Variants in SPPL3 observed in about 807,000 individuals in gnomAD.
SPPL3 encodes signal peptide peptidase-like 3.
SPPL3 carries 5 observed loss-of-function variants against 42.4 expected under a neutral mutation model. The ratio of observed to expected loss-of-function variants is 0.12; its 90% confidence interval spans 0.06 to 0.25. The LOEUF is 0.25. Ranked by LOEUF, SPPL3 falls within the 10% of genes least tolerant of loss-of-function variation. The pLI is 1.00. For synonymous variants in SPPL3, 195 were observed against 181.8 expected (o/e 1.07, Z -0.58); for missense variants, 235 against 489.0 (o/e 0.48, Z 4.90).
intron 2 of SPPL3, among the ~76,000 whole-genome samples, chr12:120,801,548 G>C (rs1870296842): frequency 6.6e-6 from 1 of 150,462 alleles, no homozygotes; most frequent in African/African-American, 2.4e-5. Flanking sequence ...GGGCACAGAG[G>C]AAGTTTTCCC....
chr12:120,777,831 A>C (rs898798516), intron 6 of SPPL3, among the ~76,000 whole-genome samples: 30 of 152,186 alleles, frequency 2.0e-4, no homozygotes, highest in African/African-American at 7.2e-4. Flanking sequence ...AGGGAATACA[A>C]GATGCTAAAC....
chr12:120,880,862 TCAA>T (rs1390567940), intron 1 of SPPL3, among the ~76,000 whole-genome samples: 23 of 147,486 alleles, frequency 1.6e-4, no homozygotes, highest in African/African-American at 5.3e-4. Context: ...TAACTACAGC[TCAA>T]CAACAATCAA....
At chr12:120,900,835 T>C (rs533729308) in intron 1 of SPPL3, among the ~76,000 whole-genome samples, 76 of 151,482 alleles carry the variant, frequency 5.0e-4, no homozygotes, top group South Asian at 2.3e-3. Context: ...GGCAGGAGAA[T>C]TGTCTGAACC....
At chr12:120,837,627 T>C (rs1188176266) in intron 1 of SPPL3, among the ~76,000 whole-genome samples, 1 of 152,166 alleles carries the variant, frequency 6.6e-6, no homozygotes, top group Non-Finnish European at 1.5e-5. Flanking sequence ...ATGCGATTCC[T>C]GTAAGTCAAA....
chr12:120,788,862 C>T (rs1869810672), intron 3 of SPPL3, among the ~76,000 whole-genome samples: 1 of 152,210 alleles, frequency 6.6e-6, no homozygotes, highest in African/African-American at 2.4e-5. Context: ...CTTCCATCTC[C>T]TTAGCACCTA....
chr12:120,800,332 G>A (rs1213441957), intron 2 of SPPL3, among the ~76,000 whole-genome samples: 2 of 151,912 alleles, frequency 1.3e-5, no homozygotes, highest in Non-Finnish European at 2.9e-5. Context: ...GTGAAACCCC[G>A]TCTCTACTAA....
intron 1 of SPPL3, among the ~76,000 whole-genome samples, chr12:120,886,886 T>C (rs946396191): frequency 2.6e-5 from 4 of 152,198 alleles, no homozygotes; most frequent in African/African-American, 9.7e-5. Flanking sequence ...GCACTTGAAA[T>C]GTGGCTAGTC....
At chr12:120,810,408 CTT>C (rs1372100147) in intron 2 of SPPL3, among the ~76,000 whole-genome samples, 13 of 151,944 alleles carry the variant, frequency 8.6e-5, no homozygotes, top group Non-Finnish European at 1.8e-4. Flanking sequence ...GAAATGTTCT[CTT>C]TGTCATTTTA....
At chr12:120,878,903 C>A (rs1005320513) in intron 1 of SPPL3, among the ~76,000 whole-genome samples, 1 of 151,746 alleles carries the variant, frequency 6.6e-6, no homozygotes, top group East Asian at 1.9e-4. Context: ...CACCTGAGGT[C>A]GCGAGTTTAA....
Position 120,768,938 on chromosome 12 carries a change from GACATAA to G in SPPL3, c.609+9_609+14del. 6.3e-7 allele frequency: 1 copy of G among 1,590,226 alleles called. No individual in the cohort carries two copies. Among genetic ancestry groups the G allele is most frequent in the Non-Finnish European group, 8.6e-7 (1 of 1,166,560 alleles). The stretch of plus-strand genomic sequence containing the variant: ...CACAAAGAAGGGGAGGAGCTCCAAG[GACATAA>G]ACGCTTACCCAAAAGACATCATAGA... On this transcript the variant is annotated intron_variant, in intron 7 of 10. Coordinates refer to ENST00000353487, the MANE Select transcript of SPPL3 (RefSeq NM_139015.5).
chr12:120,845,160 C>A, intron 1 of SPPL3: 1 of 462,496 alleles, frequency 2.2e-6, no homozygotes, highest in Non-Finnish European at 4.3e-6. Flanking sequence ...CTTGATAGAG[C>A]CCGTCGCCAC....
At chr12:120,861,087 ATT>A (rs1872604895) in intron 1 of SPPL3, among the ~76,000 whole-genome samples, 1 of 152,172 alleles carries the variant, frequency 6.6e-6, no homozygotes, top group African/African-American at 2.4e-5. Flanking sequence ...GTTTTACCAT[ATT>A]GTTTTCATTT....
chr12:120,904,267 CG>C lies in SPPL3; in HGVS notation c.-401del. ...GCGCTCGGGCGGCGGCGGCGGCGGC[CG>C]GGGGACATGGCCGGCGGGCGGAGGC... On this transcript the variant is annotated 5_prime_UTR_variant, in exon 1 of 11. An upstream open reading frame in the 5' UTR loses its in-frame stop. Transcript: ENST00000353487. The C allele has an allele frequency of 5.9e-6, 1 of 170,758 alleles. No homozygotes were observed. Among genetic ancestry groups the C allele is most frequent in the Non-Finnish European group, 1.2e-5 (1 of 82,158 alleles). 10.6% of individuals were successfully genotyped at this position (170,758 alleles called of 1,614,324 possible).
chr12:120,881,465 CAAAAAA>C (rs374467556), intron 1 of SPPL3, among the ~76,000 whole-genome samples: 2 of 53,018 alleles, frequency 3.8e-5, no homozygotes, highest in Admixed American at 2.9e-4. Flanking sequence ...GAGACTGCCT[CAAAAAA>C]AAAAAAAAAA....
At chr12:120,820,883 A>C (rs1871046517) in intron 1 of SPPL3, among the ~76,000 whole-genome samples, 1 of 152,178 alleles carries the variant, frequency 6.6e-6, no homozygotes, top group South Asian at 2.1e-4. Context: ...GCTTGAGCCT[A>C]GTAGTTCAAG....
intron 1 of SPPL3, among the ~76,000 whole-genome samples, chr12:120,848,044 A>G (rs1872101449): frequency 1.3e-5 from 2 of 152,178 alleles, no homozygotes; most frequent in African/African-American, 2.4e-5. Flanking sequence ...CTTGTTCATC[A>G]CACTGGTGTG....
rs374113319 is a variant in SPPL3 at position 120,768,430 on chromosome 12, G to A, written c.668C>T (p.Pro223Leu). The part of the protein sequence containing the change: ...SNVMVKVATQ[P>L]ADNPLDVLSR... Reference sequence around the variant, plus strand: ...TAGAACGTCAAGGGGATTGTCAGCCGGCTGAGTGGCCACCTTCACCATGAC... The same window carrying A: ...TAGAACGTCAAGGGGATTGTCAGCCAGCTGAGTGGCCACCTTCACCATGAC... The change falls in exon 8 of 11, where the codon CCG becomes CTG. Residue 223 changes from proline to leucine, a missense_variant. Pro to Leu is a moderately conservative substitution (Grantham distance 98, BLOSUM62 -3). Coordinates refer to ENST00000353487, the MANE Select transcript of SPPL3 (RefSeq NM_139015.5). 6.8e-6 allele frequency: 11 copies of A among 1,614,034 alleles called. No individual in the cohort carries two copies. Among genetic ancestry groups the A allele is most frequent in the African/African-American group, 2.7e-5 (2 of 74,928 alleles).
intron 1 of SPPL3, among the ~76,000 whole-genome samples, chr12:120,868,032 C>T (rs1352647147): frequency 3.3e-5 from 5 of 152,158 alleles, no homozygotes; most frequent in Non-Finnish European, 7.4e-5. Context: ...CAGGCATGGG[C>T]CACGGCACCC....
chr12:120,892,525 G>C (rs1446792542), intron 1 of SPPL3, among the ~76,000 whole-genome samples: 1 of 152,162 alleles, frequency 6.6e-6, no homozygotes, highest in Non-Finnish European at 1.5e-5. Context: ...GTACATAAAA[G>C]AGGAAACAGA....
Sources: allele counts gnomAD v4.1 joint callset (sites outside exome capture counted in the v4.1 genomes callset), GRCh38; gene constraint gnomAD v4.1.1; transcripts MANE v1.5; gene names NCBI Gene and HGNC (gene_info 2026-07-23, HGNC 2026-07-21).